Variants in SI observed in about 807,000 individuals in gnomAD.
SI encodes the protein sucrase-isomaltase, intestinal.
SI carries 235 observed loss-of-function variants against 253.3 expected under a neutral mutation model. The observed-to-expected ratio is 0.93, with a 90% CI of 0.83 to 1.03. The LOEUF (loss-of-function observed/expected upper bound fraction) is 1.03, where lower values mean the gene tolerates loss of function less well. Among genes scored for constraint, SI ranks in the 50% least tolerant of loss-of-function variants. The pLI, the probability that SI is intolerant of heterozygous loss-of-function variation, is 0.00. For missense variants in SI, 2,442 were observed against 2,211.1 expected (o/e 1.10, Z -2.09); for synonymous variants, 819 against 712.0 (o/e 1.15, Z -2.39).
At position 165,055,225 on chromosome 3, in the gene SI, T is replaced by C; in HGVS notation, c.1481A>G (p.His494Arg). ...DWWANECSIFHQEVQYDGLWI... is the reference protein window; with the variant it reads ...DWWANECSIFRQEVQYDGLWI... Reference sequence around the variant, plus strand: ...AAGTCCATCATATTGCACTTCTTGATGGAAAATACTGCATTCATTTGCCCA... The same window carrying C: ...AAGTCCATCATATTGCACTTCTTGACGGAAAATACTGCATTCATTTGCCCA... Residue 494 changes from histidine to arginine, a missense_variant, in exon 13 of 48, where the codon CAT (histidine) becomes CGT (arginine). His to Arg is a conservative substitution (Grantham distance 29). Transcript: ENST00000264382. The C allele has an allele frequency of 6.2e-7, 1 of 1,610,940 alleles. No individual in the cohort carries two copies. Among genetic ancestry groups the C allele is most frequent in the Non-Finnish European group, 8.5e-7 (1 of 1,177,680 alleles).
chr3:165,047,084 T>C, intron 15 of SI, 72 bp from the exon 16 acceptor site: 1 of 1,239,868 alleles, frequency 8.1e-7, no homozygotes, highest in South Asian at 1.4e-5. Context: ...TTCTAAAATT[T>C]CATAATTCCA....
intron 17 of SI, among the ~76,000 whole-genome samples, chr3:165,042,440 G>A (rs568919381): frequency 2.0e-5 from 3 of 152,076 alleles, no homozygotes; most frequent in South Asian, 2.1e-4. Flanking sequence ...TATTCTCTCC[G>A]AAAAACATGC....
chr3:165,017,927 A>G (rs767678312), intron 29 of SI, 43 bp downstream of exon 29: 5 of 1,581,842 alleles, frequency 3.2e-6, no homozygotes, highest in Non-Finnish European at 4.3e-6. Context: ...GTTTATGAAA[A>G]AGTCACATAA....
Position 165,040,998 on chromosome 3 carries a change from T to C in SI, c.2101A>G (p.Thr701Ala). The change falls in exon 18 of 48, where the codon ACT (threonine) becomes GCT (alanine). Residue 701 changes from threonine (T) to alanine (A), a missense_variant. Thr to Ala is a moderately conservative substitution (Grantham distance 58). Transcript: ENST00000264382. ...IRYTLLPFLY[T>A]LFYKAHVFGE... ...AACACATGGGCTTTATAAAACAGAGTGTAGAGGAAGGGTAATAAGGTGTAG... is the reference window on the plus strand; with the variant it reads ...AACACATGGGCTTTATAAAACAGAGCGTAGAGGAAGGGTAATAAGGTGTAG... The C allele has an allele frequency of 6.2e-7, 1 of 1,612,414 alleles. No homozygotes were observed. Among genetic ancestry groups the C allele is most frequent in the Non-Finnish European group, 8.5e-7 (1 of 1,178,950 alleles).
intron 26 of SI, among the ~76,000 whole-genome samples, chr3:165,021,785 T>A (rs1293059081): frequency 6.6e-6 from 1 of 151,558 alleles, no homozygotes; most frequent in Non-Finnish European, 1.5e-5. Flanking sequence ...TTTATTTGTG[T>A]TTTTATTTCT....
chr3:165,049,765 T>C (rs1713332563), intron 14 of SI, 26 bp downstream of exon 14: 1 of 1,265,804 alleles, frequency 7.9e-7, no homozygotes. Flanking sequence ...ATTAAAACAG[T>C]AATTAGATAA....
In SI at chr3:165,074,641, CTGGAGT is replaced by C. The variant is rs1456595192; in HGVS notation, c.139_144del (p.Thr47_Pro48del). 2 of 1,610,240 alleles carry C rather than the reference CTGGAGT, an allele frequency of 1.2e-6. No homozygotes were observed. The highest frequency in any genetic ancestry group is 1.7e-6 in the Non-Finnish European group (2 of 1,177,394). ...GGATTTGTAGTCACACGAGTAGTAGCTGGAGTTGAAGTAGAATCACTAATTTCTGGG... is the reference window on the plus strand; with the variant it reads ...GGATTTGTAGTCACACGAGTAGTAGCTGAAGTAGAATCACTAATTTCTGGG... On this transcript the variant is annotated inframe_deletion, in exon 3 of 48. Coordinates refer to ENST00000264382, the MANE Select transcript of SI (RefSeq NM_001041.4).
intron 44 of SI, among the ~76,000 whole-genome samples, chr3:164,989,998 C>T (rs910594720): frequency 1.3e-5 from 2 of 152,050 alleles, no homozygotes; most frequent in South Asian, 2.1e-4. Flanking sequence ...GTGGTGGATG[C>T]GGGTCATCAT....
At chr3:165,002,585 G>A (rs956258722) in intron 37 of SI, among the ~76,000 whole-genome samples, 4 of 151,626 alleles carry the variant, frequency 2.6e-5, no homozygotes, top group African/African-American at 4.8e-5. Context: ...AGAAAAAAAC[G>A]TGTGTTTATA....
At position 165,028,235 on chromosome 3, in the gene SI, C is replaced by A. The variant is rs1451923811; in HGVS notation, c.2892+2477G>T. 2.0e-5 allele frequency among the ~76,000 whole-genome samples: 3 copies of A among 151,118 alleles called. No homozygotes were observed. The South Asian group carries it at 6.2e-4, about 31-fold the overall frequency. The stretch of plus-strand genomic sequence containing the variant: ...CTAAAATACTTAGGTGTATACCTAA[C>A]CAAGGAGGTGAAAGACCTCTACAAG... On this transcript the variant is annotated intron_variant, in intron 25 of 47. Coordinates refer to ENST00000264382, the MANE Select transcript of SI (RefSeq NM_001041.4).
At chr3:165,068,859 A>C (rs1357804585) in intron 4 of SI, 28 bp from the exon 5 acceptor site, 17 of 1,396,432 alleles carry the variant, frequency 1.2e-5, no homozygotes, top group Non-Finnish European at 1.7e-5. Context: ...AGCTGCCATG[A>C]GTGACTTGAT....
chr3:165,054,719 T>G (rs1456208716), intron 13 of SI, among the ~76,000 whole-genome samples: 1 of 152,112 alleles, frequency 6.6e-6, no homozygotes, highest in Non-Finnish European at 1.5e-5. Context: ...TGAGATATAG[T>G]AATACTTAAC....
chr3:165,076,594 A>G (rs1197544075), intron 1 of SI, among the ~76,000 whole-genome samples: 2 of 151,728 alleles, frequency 1.3e-5, no homozygotes, highest in Non-Finnish European at 3.0e-5. Flanking sequence ...AGAATAGTAT[A>G]TATTTGGGAG....
chr3:165,072,647 A>T, intron 3 of SI, among the ~76,000 whole-genome samples: 1 of 152,114 alleles, frequency 6.6e-6, no homozygotes, highest in East Asian at 1.9e-4. Context: ...CTAGTTAAAG[A>T]ACAGTGACTA....
Position 164,988,054 on chromosome 3 carries a change from A to T in SI, c.5109-828T>A, listed in dbSNP as rs376882930. Among the ~76,000 whole-genome samples the T allele has an allele frequency of 2.4e-4, 36 of 152,308 alleles. No individual in the cohort carries two copies. In the East Asian group the frequency reaches 3.3e-3, roughly 14 times the overall value. On this transcript the variant is annotated intron_variant, in intron 44 of 47. Transcript: ENST00000264382. ...GAATACCTTTCAAGCATGTTCCTGC[A>T]TAGGGCTACTTGTGAACTAAATACT...
At chr3:165,069,642 C>T (rs1387764571) in intron 3 of SI, among the ~76,000 whole-genome samples, 1 of 151,942 alleles carries the variant, frequency 6.6e-6, no homozygotes, top group Non-Finnish European at 1.5e-5. Flanking sequence ...TTTAATTCTA[C>T]CTACTTACTA....
chr3:165,023,977 T>C (rs897848369), intron 25 of SI, among the ~76,000 whole-genome samples: 1 of 151,584 alleles, frequency 6.6e-6, no homozygotes, highest in African/African-American at 2.4e-5. Flanking sequence ...AATATTTACA[T>C]TTACACTCTA....
At chr3:165,054,592 T>C (rs1713600198) in intron 13 of SI, among the ~76,000 whole-genome samples, 1 of 152,106 alleles carries the variant, frequency 6.6e-6, no homozygotes. Flanking sequence ...TGACCTCAAA[T>C]GATTGGCTCA....
chr3:165,067,395 C>G lies in SI; in HGVS notation c.580G>C (p.Val194Leu), dbSNP rs371768147. 1 of 1,612,710 alleles carries G rather than the reference C, an allele frequency of 6.2e-7. No homozygotes were observed. The highest frequency in any genetic ancestry group is 8.5e-7 in the Non-Finnish European group (1 of 1,179,110). Residue 194 changes from valine to leucine, a missense_variant, in exon 6 of 48, where the codon GTT (valine) becomes CTT (leucine). Physicochemically the swap from Val to Leu is conservative, Grantham distance 32. Transcript: ENST00000264382. The stretch of plus-strand genomic sequence containing the variant: ...TGGATGCTAAATGGGTTTTGGGCAA[C>G]CTTCACATCATACAACGTATCAGAA... ...TVSDTLYDVK[V>L]AQNPFSIQVI...
Sources: gnomAD v4.1 joint callset for allele counts (sites outside exome capture counted in the v4.1 genomes callset) on GRCh38, gnomAD v4.1.1 for gene constraint, MANE v1.5 for transcripts, NCBI Gene and HGNC (gene_info 2026-07-23, HGNC 2026-07-21) for gene names.